The following RNF150 variants were observed in gnomAD, a reference collection of about 807,000 sequenced individuals.
RNF150 encodes ring finger protein 150.
A neutral mutation model predicts 39.3 loss-of-function variants in RNF150; 24 were observed. The observed-to-expected ratio is 0.61, with a 90% CI of 0.44 to 0.86. The LOEUF is 0.86. Among genes scored for constraint, RNF150 ranks in the 40% least tolerant of loss-of-function variants. The pLI is 0.00. For missense variants in RNF150, 502 were observed against 587.8 expected, an observed-to-expected ratio of 0.85 and a Z score of 1.51; for synonymous variants, 255 against 227.3, an observed-to-expected ratio of 1.12 and a Z score of -1.10.
In RNF150 at chr4:141,015,554, T is replaced by C. The variant is rs112703201; in HGVS notation, c.485-47681A>G. On this transcript the variant is annotated intron_variant, in intron 1 of 6. Transcript: ENST00000515673. ...TTTTCTTAATTTCTTTTTCAGATAGTTTGCTGTTAGTCTATAGAAATGATG... is the reference window on the plus strand; with the variant it reads ...TTTTCTTAATTTCTTTTTCAGATAGCTTGCTGTTAGTCTATAGAAATGATG... 4.6e-3 allele frequency among the ~76,000 whole-genome samples: 708 copies of C among 152,278 alleles called. 5 individuals are homozygous for C. The highest frequency in any genetic ancestry group is 0.016 in the African/African-American group (682 of 41,560).
intron 2 of RNF150, among the ~76,000 whole-genome samples, chr4:140,962,080 TA>T (rs1185290472): frequency 1.2e-4 from 17 of 142,026 alleles, no homozygotes; most frequent in Admixed American, 2.1e-4. Flanking sequence ...TCTCTCTCTC[TA>T]CTCTCTCTCT....
intron 6 of RNF150, among the ~76,000 whole-genome samples, chr4:140,909,347 C>T (rs1040626146): frequency 9.2e-5 from 14 of 152,256 alleles, no homozygotes; most frequent in African/African-American, 3.4e-4. Flanking sequence ...ATTAGTTTTA[C>T]AGTGTCTCAA....
intron 1 of RNF150, among the ~76,000 whole-genome samples, chr4:141,130,084 C>G (rs1482133658): frequency 1.3e-5 from 2 of 152,192 alleles, no homozygotes; most frequent in Admixed American, 1.3e-4. Context: ...AAACTGAATT[C>G]AGAAATCTGA....
intron 6 of RNF150, among the ~76,000 whole-genome samples, chr4:140,901,612 C>T (rs115933358): frequency 1.3e-3 from 204 of 152,258 alleles, no homozygotes; most frequent in Non-Finnish European, 2.2e-3. Flanking sequence ...ATCCAACTGA[C>T]GTTTATTAAA....
chr4:140,967,680 C>T lies in RNF150; in HGVS notation c.678G>A (p.Trp226Ter). 2 of 1,613,342 alleles carry T rather than the reference C, an allele frequency of 1.2e-6. No homozygotes were observed. Among genetic ancestry groups the T allele is most frequent in the Non-Finnish European group, 1.7e-6 (2 of 1,179,506 alleles). ...FIVLMIISLAWLVFYYIQRFR... is the reference protein window; with the variant it reads ...FIVLMIISLA ...ACCTCTGGATGTAATAAAAGACGAG[C>T]CATGCGAGGGAAATGATCATCAGGA... Residue 226 changes from tryptophan (W) to a stop codon, truncating the protein, a stop_gained, in exon 2 of 7, where the codon TGG (tryptophan) becomes TGA (stop). Coordinates refer to ENST00000515673, the MANE Select transcript of RNF150 (RefSeq NM_020724.2). LOFTEE classifies it high-confidence loss of function.
chr4:140,976,678 T>C (rs1240822113), intron 1 of RNF150, among the ~76,000 whole-genome samples: 2 of 151,954 alleles, frequency 1.3e-5, no homozygotes, highest in African/African-American at 4.8e-5. Flanking sequence ...AACCCTCTCC[T>C]GGCCTCCCTT....
chr4:140,928,751 T>C (rs1416474561), intron 4 of RNF150, among the ~76,000 whole-genome samples: 2 of 152,250 alleles, frequency 1.3e-5, no homozygotes, highest in East Asian at 3.9e-4. Flanking sequence ...TTTCACTGTG[T>C]TAGCCAGGAT....
intron 1 of RNF150, among the ~76,000 whole-genome samples, chr4:141,170,450 T>C (rs1727694796): frequency 6.6e-6 from 1 of 152,188 alleles, no homozygotes; most frequent in Non-Finnish European, 1.5e-5. Flanking sequence ...ACACAACAGA[T>C]TAAAAGCAAT....
At chr4:141,174,357 A>T (rs7665668) in intron 1 of RNF150, among the ~76,000 whole-genome samples, 30,912 of 152,164 alleles carry the variant, frequency 0.2, 3,450 homozygotes, top group South Asian at 0.34. Flanking sequence ...CACACTGAGC[A>T]GTAAGACACA....
At chr4:140,888,449 A>C (rs1729652373) in intron 6 of RNF150, among the ~76,000 whole-genome samples, 1 of 152,208 alleles carries the variant, frequency 6.6e-6, no homozygotes, top group Non-Finnish European at 1.5e-5. Flanking sequence ...TCATAACCCT[A>C]CCCATTCCTC....
chr4:141,151,129 G>A (rs1727289534), intron 1 of RNF150, among the ~76,000 whole-genome samples: 1 of 151,772 alleles, frequency 6.6e-6, no homozygotes, highest in African/African-American at 2.4e-5. Context: ...TTTTTGTAGA[G>A]GATGGGGTCT....
chr4:141,005,645 A>C (rs991566163), intron 1 of RNF150, among the ~76,000 whole-genome samples: 2 of 152,224 alleles, frequency 1.3e-5, no homozygotes, highest in African/African-American at 4.8e-5. Flanking sequence ...CCTATGAGAA[A>C]TGTGGCTACA....
chr4:141,061,398 G>A (rs1216139856), intron 1 of RNF150, among the ~76,000 whole-genome samples: 1 of 152,148 alleles, frequency 6.6e-6, no homozygotes, highest in East Asian at 1.9e-4. Flanking sequence ...CTTGGAAGCA[G>A]AACTCATCAA....
At chr4:141,063,350 T>G (rs55675906) in intron 1 of RNF150, among the ~76,000 whole-genome samples, 39,692 of 151,938 alleles carry the variant, frequency 0.26, 5,213 homozygotes, top group Middle Eastern at 0.4. Flanking sequence ...TTTCCAAATT[T>G]AGTGAAGCAT....
intron 1 of RNF150, among the ~76,000 whole-genome samples, chr4:141,005,301 A>G (rs1235589121): frequency 6.6e-6 from 1 of 152,192 alleles, no homozygotes; most frequent in African/African-American, 2.4e-5. Context: ...GGGAGATGTA[A>G]ATTTGAAGCT....
intron 1 of RNF150, among the ~76,000 whole-genome samples, chr4:141,051,126 C>G (rs1040098106): frequency 6.6e-6 from 1 of 152,138 alleles, no homozygotes; most frequent in Non-Finnish European, 1.5e-5. Context: ...AAGCCATGGC[C>G]CAAGCTGTAC....
chr4:141,035,005 A>G (rs1736087937), intron 1 of RNF150, among the ~76,000 whole-genome samples: 1 of 152,230 alleles, frequency 6.6e-6, no homozygotes, highest in Non-Finnish European at 1.5e-5. Flanking sequence ...GGTTGCCACA[A>G]ACTTTCAATT....
At position 141,132,891 on chromosome 4, in the gene RNF150, CGCT is replaced by C; in HGVS notation, c.-86_-84del. 1 of 1,177,932 alleles carries C rather than the reference CGCT, an allele frequency of 8.5e-7. No homozygotes were observed. Among genetic ancestry groups the C allele is most frequent in the South Asian group, 1.3e-5 (1 of 75,008 alleles). The allele number at this position is 1,177,932 out of a possible 1,614,324, so 73.0% of individuals were successfully genotyped here. Reference sequence around the variant, plus strand: ...TCCCCAGCCCCGGCCAACCCCGGGCCGCTGCCTCTCCTCCTGCTGCTGCTCACT... The same window carrying C: ...TCCCCAGCCCCGGCCAACCCCGGGCCGCCTCTCCTCCTGCTGCTGCTCACT... On this transcript the variant is annotated 5_prime_UTR_variant, in exon 1 of 7. Transcript: ENST00000515673. The surrounding 1 kb of genome is among the most constrained non-coding windows in gnomAD (Gnocchi z 4.9).
At chr4:141,191,509 G>T (rs1728109426) in intron 1 of RNF150, among the ~76,000 whole-genome samples, 1 of 152,152 alleles carries the variant, frequency 6.6e-6, no homozygotes, top group African/African-American at 2.4e-5. Context: ...TTGTAAAAAT[G>T]TACATTTTGT....
Sources: allele counts gnomAD v4.1 joint callset (sites outside exome capture counted in the v4.1 genomes callset), GRCh38; gene constraint gnomAD v4.1.1; non-coding constraint Gnocchi (gnomAD v3.1); transcripts MANE v1.5; gene names NCBI Gene and HGNC (gene_info 2026-07-23, HGNC 2026-07-21).